Variants in SOX5 observed in about 807,000 individuals in gnomAD.
SOX5 encodes the protein transcription factor SOX-5.
Under a neutral mutation model 92.0 loss-of-function variants are expected in SOX5, and 9 were observed. The ratio of observed to expected loss-of-function variants is 0.10; its 90% CI spans 0.06 to 0.17. The LOEUF (loss-of-function observed/expected upper bound fraction) is 0.17, where lower values mean the gene tolerates loss of function less well. SOX5 is among the 10% of genes least tolerant of loss of function. The pLI is 1.00. For synonymous variants in SOX5, 344 were observed against 336.3 expected, an observed-to-expected ratio of 1.02 and a Z score of -0.25; for missense variants, 642 against 944.5, an observed-to-expected ratio of 0.68 and a Z score of 4.20.
intron 4 of SOX5, among the ~76,000 whole-genome samples, chr12:24,168,079 G>T (rs1253857163): frequency 6.6e-6 from 1 of 152,200 alleles, no homozygotes; most frequent in Non-Finnish European, 1.5e-5. Context: ...AAACAGGGAT[G>T]CATTTCTGTT....
intron 1 of SOX5, among the ~76,000 whole-genome samples, chr12:23,946,842 T>C (rs1026890915): frequency 6.6e-6 from 1 of 151,964 alleles, no homozygotes; most frequent in African/African-American, 2.4e-5. Flanking sequence ...TGCTTGAAAA[T>C]AAAAATATTT....
chr12:24,266,175 A>G (rs1053813928), intron 3 of SOX5, among the ~76,000 whole-genome samples: 1 of 151,852 alleles, frequency 6.6e-6, no homozygotes, highest in Non-Finnish European at 1.5e-5. Context: ...CAGCCTCCCA[A>G]CGTGCTAGAA....
chr12:23,692,439 G>GA (rs11427578), intron 6 of SOX5, among the ~76,000 whole-genome samples: 75,179 of 132,580 alleles, frequency 0.57, 23,157 homozygotes, highest in East Asian at 0.91. Flanking sequence ...TACGCCTCAG[G>GA]AAAAAAAAAA....
At chr12:23,943,308 G>A (rs1034914914) in intron 1 of SOX5, among the ~76,000 whole-genome samples, 1 of 151,702 alleles carries the variant, frequency 6.6e-6, no homozygotes, top group Admixed American at 6.6e-5. Flanking sequence ...GATCCTTAAT[G>A]CAAGAAAAAT....
intron 2 of SOX5, among the ~76,000 whole-genome samples, chr12:23,887,117 C>A (rs1595383686): frequency 6.6e-6 from 1 of 152,106 alleles, no homozygotes; most frequent in Admixed American, 6.6e-5. Context: ...AAAACTTAAT[C>A]ATAAAACCAA....
chr12:24,350,469 G>A (rs983877123), intron 2 of SOX5, among the ~76,000 whole-genome samples: 9 of 152,078 alleles, frequency 5.9e-5, no homozygotes, highest in African/African-American at 2.2e-4. Context: ...TCAGCCTTCC[G>A]AGTAGGTGGG....
intron 9 of SOX5, among the ~76,000 whole-genome samples, chr12:23,580,739 T>C (rs970302566): frequency 6.6e-6 from 1 of 152,182 alleles, no homozygotes; most frequent in East Asian, 1.9e-4. Flanking sequence ...TAATTATAGC[T>C]ACGATAACTT....
At chr12:24,341,904 G>T (rs1595756388) in intron 2 of SOX5, among the ~76,000 whole-genome samples, 1 of 152,172 alleles carries the variant, frequency 6.6e-6, no homozygotes, top group Non-Finnish European at 1.5e-5. Context: ...TCCTCCGTTG[G>T]TTGCTCCAGC....
chr12:24,433,132 C>T (rs1938692105), intron 1 of SOX5, among the ~76,000 whole-genome samples: 1 of 152,034 alleles, frequency 6.6e-6, no homozygotes, highest in East Asian at 1.9e-4. Flanking sequence ...AGAATTTTAG[C>T]TAGTAAAATA....
intron 4 of SOX5, among the ~76,000 whole-genome samples, chr12:23,980,093 G>T (rs149208189): frequency 2.0e-5 from 3 of 152,148 alleles, no homozygotes; most frequent in African/African-American, 7.2e-5. Context: ...GAGATTATGG[G>T]CATGAATTCG....
rs971501704 is a variant in SOX5, at chr12:24,324,747, G to A, written c.-174+43816C>T. Among the ~76,000 whole-genome samples the A allele has an allele frequency of 4.6e-5, 7 of 151,952 alleles. No individual in the cohort carries two copies. In the East Asian group the frequency reaches 9.6e-4, roughly 21 times the overall value. ...ACCTCAGTTTCTTTGTATGTAAAAA[G>A]GAAATAATAACAATACCTACCTCAT... is the stretch of plus-strand genomic sequence containing the variant. On this transcript the variant is annotated intron_variant, in intron 2 of 4. Transcript: ENST00000446891.
intron 3 of SOX5, among the ~76,000 whole-genome samples, chr12:24,275,392 G>T (rs993901109): frequency 6.6e-6 from 1 of 152,038 alleles, no homozygotes. Context: ...TGGAAACATA[G>T]TATATCTTTA....
rs572732423 is a variant in SOX5, at chr12:24,065,632, C to T, written c.-2+147711G>A. 4.6e-4 allele frequency among the ~76,000 whole-genome samples: 56 copies of T among 121,292 alleles called. No individual in the cohort carries two copies. The South Asian group carries it at 0.014, about 30-fold the overall frequency. 79.6% of individuals were successfully genotyped at this position (121,292 alleles called of 152,430 possible). ...ACTACACTCCAGCCTGGCGACAGAGCGAGACTCCATCTCAAAAAAAAAAAA... is the reference window on the plus strand; with the variant it reads ...ACTACACTCCAGCCTGGCGACAGAGTGAGACTCCATCTCAAAAAAAAAAAA... On this transcript the variant is annotated intron_variant, in intron 4 of 4. Transcript: ENST00000446891.
At chr12:23,686,186 A>G (rs2087543612) in intron 6 of SOX5, among the ~76,000 whole-genome samples, 3 of 152,176 alleles carry the variant, frequency 2.0e-5, no homozygotes, top group Non-Finnish European at 2.9e-5. Flanking sequence ...CTTTTGAATG[A>G]ATATAACTCA....
At chr12:24,254,231 T>A (rs1221153050) in intron 3 of SOX5, among the ~76,000 whole-genome samples, 2 of 152,046 alleles carry the variant, frequency 1.3e-5, no homozygotes, top group African/African-American at 4.8e-5. Flanking sequence ...TTTTTAAATA[T>A]TCTTAACTGT....
chr12:23,884,144 T>C (rs1281702737), intron 2 of SOX5, among the ~76,000 whole-genome samples: 1 of 152,196 alleles, frequency 6.6e-6, no homozygotes, highest in Non-Finnish European at 1.5e-5. Flanking sequence ...ACCAGAAAGT[T>C]TTACGTGTCT....
At chr12:23,916,866 G>A (rs1249205740) in intron 1 of SOX5, among the ~76,000 whole-genome samples, 1 of 151,936 alleles carries the variant, frequency 6.6e-6, no homozygotes, top group Admixed American at 6.6e-5. Context: ...ACTGCCTATG[G>A]AATTTCTATC....
chr12:23,744,825 A>C (rs1035722623), intron 4 of SOX5, among the ~76,000 whole-genome samples: 1 of 152,168 alleles, frequency 6.6e-6, no homozygotes, highest in Non-Finnish European at 1.5e-5. Flanking sequence ...TTTAAAAGAC[A>C]GAAATTGCCT....
At chr12:24,025,527 C>T (rs1303535575) in intron 4 of SOX5, among the ~76,000 whole-genome samples, 1 of 151,988 alleles carries the variant, frequency 6.6e-6, no homozygotes, top group Non-Finnish European at 1.5e-5. Flanking sequence ...ATACAGAGAA[C>T]AGTGACTCTC....
Sources: allele counts gnomAD v4.1 joint callset (sites outside exome capture counted in the v4.1 genomes callset), GRCh38; gene constraint gnomAD v4.1.1; transcripts MANE v1.5; gene names NCBI Gene and HGNC (gene_info 2026-07-23, HGNC 2026-07-21).